The following FREM2 variants were observed in gnomAD, a reference collection of about 807,000 sequenced individuals.
FREM2 encodes FRAS1-related extracellular matrix protein 2.
Under a neutral mutation model 219.9 loss-of-function variants are expected in FREM2, and 119 were observed. That is an observed-to-expected ratio of 0.54 (90% CI 0.47 to 0.63). The LOEUF (loss-of-function observed/expected upper bound fraction) is 0.63. Ranked by LOEUF, FREM2 falls within the 30% of genes least tolerant of loss-of-function variation. The pLI is 0.00. For synonymous variants in FREM2, 1,562 were observed against 1,522.8 expected, an observed-to-expected ratio of 1.03 and a Z score of -0.60; for missense variants, 4,030 against 3,993.6, an observed-to-expected ratio of 1.01 and a Z score of -0.25.
At chr13:38,868,638 A>G (rs528974442) in intron 16 of FREM2, among the ~76,000 whole-genome samples, 68 of 152,374 alleles carry the variant, frequency 4.5e-4, no homozygotes, top group African/African-American at 1.5e-3. Flanking sequence ...CGTGCCAGAT[A>G]ACATCCACAC....
chr13:38,864,475 A>C lies in FREM2; in HGVS notation c.7852A>C (p.Ile2618Leu). 1 of 1,614,202 alleles carries C rather than the reference A, an allele frequency of 6.2e-7. No individual in the cohort carries two copies. The highest frequency in any genetic ancestry group is 8.5e-7 in the Non-Finnish European group (1 of 1,180,016). The change falls in exon 16 of 24, where the codon ATC becomes CTC. Residue 2618 changes from isoleucine to leucine, a missense_variant. Ile to Leu is a conservative substitution (Grantham distance 5, BLOSUM62 2). Coordinates refer to ENST00000280481, the MANE Select transcript of FREM2 (RefSeq NM_207361.6). ...ATATCCTTACCAGTACAGCTTGTCC[A>C]TCAGAGGTTCCACTACCTTGCGCTT... is the stretch of plus-strand genomic sequence containing the variant. ...ETYPYQYSLS[I>L]RGSTTLRFYR...
intron 6 of FREM2, among the ~76,000 whole-genome samples, chr13:38,844,272 C>T (rs1248104313): frequency 6.6e-6 from 1 of 152,098 alleles, no homozygotes; most frequent in African/African-American, 2.4e-5. Context: ...ATGCCACCCC[C>T]GCCTCTTTCT....
chr13:38,706,455 A>C (rs917908213), intron 2 of FREM2, among the ~76,000 whole-genome samples: 12 of 152,200 alleles, frequency 7.9e-5, no homozygotes, highest in African/African-American at 2.9e-4. Flanking sequence ...TGAGAAAACT[A>C]GTAAATTTAG....
chr13:38,844,904 A>C (rs1309319903), intron 6 of FREM2, among the ~76,000 whole-genome samples: 1 of 152,150 alleles, frequency 6.6e-6, no homozygotes. Flanking sequence ...TTTGTGCCCT[A>C]CCTCAGTGTG....
intron 6 of FREM2, among the ~76,000 whole-genome samples, chr13:38,801,714 A>T (rs1875015277): frequency 6.6e-6 from 1 of 152,104 alleles, no homozygotes; most frequent in Non-Finnish European, 1.5e-5. Context: ...TTTGAGCCCC[A>T]GTGGTGGCAG....
rs139341090 is a variant in FREM2, at chr13:38,829,025, C to T, written c.6020-17548C>T. On this transcript the variant is annotated intron_variant, in intron 6 of 23. Coordinates refer to ENST00000280481, the MANE Select transcript of FREM2 (RefSeq NM_207361.6). ...TAATATGACAAGAAATTATCTGAGC[C>T]AAGCACTGCTATAAGCATGTTATAT... is the stretch of plus-strand genomic sequence containing the variant. Among the ~76,000 whole-genome samples the T allele has an allele frequency of 4.9e-3, 741 of 152,132 alleles. 6 individuals are homozygous for T. Among genetic ancestry groups the T allele is most frequent in the African/African-American group, 0.017 (713 of 41,514 alleles).
chr13:38,870,871 T>C (rs1878134215), intron 16 of FREM2, among the ~76,000 whole-genome samples: 1 of 152,160 alleles, frequency 6.6e-6, no homozygotes, highest in African/African-American at 2.4e-5. Context: ...AATATAACAT[T>C]GGAAAAAATT....
rs1878696621 is a variant in FREM2, at chr13:38,885,503, T to C, written c.*4716T>C. 6.6e-6 allele frequency: 1 copy of C among 152,162 alleles called. No individual in the cohort carries two copies. Among genetic ancestry groups the C allele is most frequent in the Non-Finnish European group, 1.5e-5 (1 of 68,008 alleles). 9.4% of individuals were successfully genotyped at this position (152,162 alleles called of 1,614,324 possible). On this transcript the variant is annotated 3_prime_UTR_variant, in exon 24 of 24. Transcript: ENST00000280481. ...GACACCTACTTTTGCTTTTTTTCTT[T>C]CTTTCTTTTAATTTGTTGAACTATA...
Position 38,687,738 on chromosome 13 carries a change from G to T in FREM2, c.394G>T (p.Gly132Cys). The T allele has an allele frequency of 6.5e-7, 1 of 1,545,538 alleles. No individual in the cohort carries two copies. The change falls in exon 1 of 24, where the codon GGC (glycine) becomes TGC (cysteine). Residue 132 changes from glycine (G) to cysteine (C), a missense_variant. Physicochemically the swap from Gly to Cys is radical, Grantham distance 159 (BLOSUM62 -3). Coordinates refer to ENST00000280481, the MANE Select transcript of FREM2 (RefSeq NM_207361.6). ...LSPKRFPCDF[G>C]PGEVRYSHLG... ...TCCCAAGCGCTTCCCGTGCGACTTT[G>T]GCCCTGGCGAGGTGCGCTACTCTCA...
intron 2 of FREM2, among the ~76,000 whole-genome samples, chr13:38,702,871 C>G (rs916142089): frequency 6.6e-6 from 1 of 152,102 alleles, no homozygotes; most frequent in African/African-American, 2.4e-5. Flanking sequence ...ATAGTGTTAT[C>G]TGGGCCACAG....
chr13:38,879,982 A>T (rs1878482865), intron 23 of FREM2, among the ~76,000 whole-genome samples: 2 of 152,172 alleles, frequency 1.3e-5, no homozygotes, highest in Non-Finnish European at 2.9e-5. Context: ...GCATATTCTA[A>T]TTTACTCATT....
Position 38,877,196 on chromosome 13 carries a change from A to G in FREM2, c.8624A>G (p.Asp2875Gly). 1 of 1,614,088 alleles carries G rather than the reference A, an allele frequency of 6.2e-7. No individual in the cohort carries two copies. The highest frequency in any genetic ancestry group is 8.5e-7 in the Non-Finnish European group (1 of 1,179,956). ...TCTAAGAAGAGTCTCTGGTTGTCTG[A>G]TGGATCCATGGGATTCGGGCAAGAG... ...LLSKKSLWLS[D>G]GSMGFGQESD... The change falls in exon 21 of 24, where the codon GAT becomes GGT. Residue 2875 changes from aspartate to glycine, a missense_variant. Asp to Gly is a moderately conservative substitution (Grantham distance 94). Transcript: ENST00000280481.
chr13:38,785,828 A>G (rs1375073093), intron 6 of FREM2, among the ~76,000 whole-genome samples: 1 of 152,080 alleles, frequency 6.6e-6, no homozygotes, highest in African/African-American at 2.4e-5. Context: ...TGATTTTCTT[A>G]CTGATTTATA....
chr13:38,880,813 T>C lies in FREM2; in HGVS notation c.*26T>C, dbSNP rs367707659. 1.6e-4 allele frequency: 254 copies of C among 1,613,540 alleles called. No homozygotes were observed. In the African/African-American group the frequency reaches 3.1e-3, roughly 20 times the overall value. On this transcript the variant is annotated 3_prime_UTR_variant, in exon 24 of 24. Transcript: ENST00000280481. Reference sequence around the variant, plus strand: ...TGACTGCAGGTAGAATTCAACCTTTTCCGTAAGTGCCTCGGAAAAGATCAC... The same window carrying C: ...TGACTGCAGGTAGAATTCAACCTTTCCCGTAAGTGCCTCGGAAAAGATCAC...
rs931986264 is a variant in FREM2 at position 38,776,242 on chromosome 13, T to C, written c.5641+6434T>C. Among the ~76,000 whole-genome samples the C allele has an allele frequency of 3.3e-5, 5 of 152,306 alleles. No homozygotes were observed. In the East Asian group the frequency reaches 9.7e-4, roughly 29 times the overall value. ...TGAAAATGCACTGGAATCTGGAATG[T>C]CTTCTGAGTTGTTTTTGAATGTGCC... is the stretch of plus-strand genomic sequence containing the variant. On this transcript the variant is annotated intron_variant, in intron 4 of 23. Coordinates refer to ENST00000280481, the MANE Select transcript of FREM2 (RefSeq NM_207361.6).
chr13:38,843,054 A>C (rs1388640674), intron 6 of FREM2, among the ~76,000 whole-genome samples: 1 of 152,146 alleles, frequency 6.6e-6, no homozygotes, highest in Non-Finnish European at 1.5e-5. Context: ...CACCCTCACT[A>C]GGCCAATTCA....
At chr13:38,868,411 A>C (rs9603459) in intron 16 of FREM2, among the ~76,000 whole-genome samples, 47,322 of 152,136 alleles carry the variant, frequency 0.31, 8,428 homozygotes, top group East Asian at 0.46. Context: ...GATAAGTACA[A>C]GTTTTGAAGC....
In FREM2 at chr13:38,762,628, G is replaced by A. The variant is rs574748960; in HGVS notation, c.5264-1676G>A. On this transcript the variant is annotated intron_variant, in intron 2 of 23. Transcript: ENST00000280481. ...CTAGTTTTGCATTTTTAGTAGAGACGGGGTTTCTCTATGTTGGTTAGGCTG... is the reference window on the plus strand; with the variant it reads ...CTAGTTTTGCATTTTTAGTAGAGACAGGGTTTCTCTATGTTGGTTAGGCTG... 1.3e-4 allele frequency among the ~76,000 whole-genome samples: 20 copies of A among 152,020 alleles called. No homozygotes were observed. In the South Asian group the frequency reaches 4.0e-3, roughly 30 times the overall value.
chr13:38,846,550 G>GATTTC (rs761342017), intron 6 of FREM2, 23 bp from the exon 7 acceptor site: 5 of 1,609,030 alleles, frequency 3.1e-6, no homozygotes, highest in Non-Finnish European at 4.3e-6. Flanking sequence ...TAACAGAAAT[G>GATTTC]ATTTCTGTTC....
Sources: allele counts gnomAD v4.1 joint callset (sites outside exome capture counted in the v4.1 genomes callset), GRCh38; gene constraint gnomAD v4.1.1; transcripts MANE v1.5; gene names NCBI Gene and HGNC (gene_info 2026-07-23, HGNC 2026-07-21).